Variants in CLC observed in about 807,000 individuals in gnomAD.
CLC encodes galectin-10.
Under a neutral mutation model 13.9 loss-of-function variants are expected in CLC, and 15 were observed. That is an observed-to-expected ratio of 1.08 (90% CI 0.72 to 1.66). CLC has a LOEUF of 1.66. CLC is among the 40% of genes most tolerant of loss of function. The pLI is 0.00. For missense variants in CLC, 161 were observed against 169.1 expected (o/e 0.95, Z 0.27); for synonymous variants, 68 against 59.9 (o/e 1.14, Z -0.63).
At chr19:39,733,017 ACCTACTCAT>A (rs1296177392) in intron 3 of CLC, among the ~76,000 whole-genome samples, 1 of 142,486 alleles carries the variant, frequency 7.0e-6, no homozygotes, top group Non-Finnish European at 1.5e-5. Context: ...AATTTTCGCA[ACCTACTCAT>A]CTGACAAAGG....
Position 39,736,774 on chromosome 19 carries a change from C to CA in CLC, c.15+1163dup, listed in dbSNP as rs71171518. 5.3e-3 allele frequency among the ~76,000 whole-genome samples: 736 copies of CA among 138,074 alleles called. 1 individual carries two copies. Among genetic ancestry groups the CA allele is most frequent in the East Asian group, 0.026 (107 of 4,122 alleles). 90.6% of individuals were successfully genotyped at this position (138,074 alleles called of 152,430 possible). A position where few individuals can be genotyped will look rare whatever the true frequency, so the allele number is the denominator to read the frequency against. The stretch of plus-strand genomic sequence containing the variant: ...TGGGAAACAGAGCGAGACTCTGTCT[C>CA]AAAAAAAAAAAAAAAAAATTACTGC... On this transcript the variant is annotated intron_variant, in intron 1 of 3. Coordinates refer to ENST00000221804, the MANE Select transcript of CLC (RefSeq NM_001828.6).
At position 39,735,820 on chromosome 19, in the gene CLC, A is replaced by T. The variant is rs149549097; in HGVS notation, c.16-747T>A. Among the ~76,000 whole-genome samples the T allele has an allele frequency of 1.7e-4, 26 of 152,300 alleles. 1 individual carries two copies. In the East Asian group the frequency reaches 3.3e-3, roughly 19 times the overall value. On this transcript the variant is annotated intron_variant, in intron 1 of 3. Coordinates refer to ENST00000221804, the MANE Select transcript of CLC (RefSeq NM_001828.6). The stretch of plus-strand genomic sequence containing the variant: ...CAAGGAGGGTCCTTGTGGAACACTG[A>T]CCTGCGATCATCTTCAACTCTGAAA...
In CLC at chr19:39,731,471, T is replaced by C. The variant is rs1165471420; in HGVS notation, c.338A>G (p.Asp113Gly). 1 of 1,613,474 alleles carries C rather than the reference T, an allele frequency of 6.2e-7. No individual in the cohort carries two copies. The highest frequency in any genetic ancestry group is 8.5e-7 in the Non-Finnish European group (1 of 1,179,550). Residue 113 changes from aspartate (D) to glycine (G), a missense_variant, in exon 4 of 4, where the codon GAC becomes GGC. Physicochemically the swap from Asp to Gly is moderately conservative, Grantham distance 94 (BLOSUM62 -1). Coordinates refer to ENST00000221804, the MANE Select transcript of CLC (RefSeq NM_001828.6). ...CACAGCCTCAGGCTTGATTCTATGGTCAAAGGTGTAAGAGGATTGGCCATT... is the reference window on the plus strand; with the variant it reads ...CACAGCCTCAGGCTTGATTCTATGGCCAAAGGTGTAAGAGGATTGGCCATT... ...MVNGQSSYTFDHRIKPEAVKM... is the reference protein window; with the variant it reads ...MVNGQSSYTFGHRIKPEAVKM...
intron 3 of CLC, 99 bp downstream of exon 3, chr19:39,734,184 C>T (rs1211702649): frequency 1.8e-5 from 25 of 1,419,182 alleles, no homozygotes; most frequent in Admixed American, 4.0e-5. Context: ...GATGAAAAGC[C>T]GGGGACAGAG....
rs111303542 is a variant in CLC, at chr19:39,737,909, T to C, written c.15+29A>G. The C allele has an allele frequency of 9.2e-5, 148 of 1,606,066 alleles. No individual in the cohort carries two copies. In the African/African-American group the frequency reaches 1.6e-3, roughly 17 times the overall value. ...CTTCCCTTTTCTGTGTGACCTGAGATTATTGAAGGCTGTGCCTTTTTAACT... is the reference window on the plus strand; with the variant it reads ...CTTCCCTTTTCTGTGTGACCTGAGACTATTGAAGGCTGTGCCTTTTTAACT... On this transcript the variant is annotated intron_variant, in intron 1 of 3. Coordinates refer to ENST00000221804, the MANE Select transcript of CLC (RefSeq NM_001828.6).
At chr19:39,737,738 A>G (rs1170576882) in intron 1 of CLC, among the ~76,000 whole-genome samples, 200 bp downstream of exon 1, 1 of 152,072 alleles carries the variant, frequency 6.6e-6, no homozygotes, top group Non-Finnish European at 1.5e-5. Flanking sequence ...GAGGGTCACA[A>G]TGTTCCAGCA....
intron 1 of CLC, among the ~76,000 whole-genome samples, chr19:39,735,908 T>C (rs1967301856): frequency 6.6e-6 from 1 of 152,172 alleles, no homozygotes; most frequent in Non-Finnish European, 1.5e-5. Flanking sequence ...AAACAACAAC[T>C]TTGGGTTAGT....
intron 1 of CLC, among the ~76,000 whole-genome samples, chr19:39,737,551 A>G (rs1330791489): frequency 6.6e-6 from 1 of 152,146 alleles, no homozygotes; most frequent in East Asian, 1.9e-4. Flanking sequence ...ATGCTCATGC[A>G]CTGGTCCGGC....
chr19:39,738,021 A>C lies in CLC; in HGVS notation c.-69T>G. The C allele has an allele frequency of 6.6e-7, 1 of 1,510,734 alleles. No individual in the cohort carries two copies. The highest frequency in any genetic ancestry group is 1.1e-5 in the South Asian group (1 of 87,384). The allele number at this position is 1,510,734 out of a possible 1,614,324, so 93.6% of individuals were successfully genotyped here. On this transcript the variant is annotated 5_prime_UTR_variant, in exon 1 of 4. Transcript: ENST00000221804. ...TCTGTGTGAATCTCTGAGCTGCAGA[A>C]TTTAAATGGCCCCTATCAGCCCTGC...
At chr19:39,733,565 C>G (rs1183080076) in intron 3 of CLC, among the ~76,000 whole-genome samples, 2 of 152,076 alleles carry the variant, frequency 1.3e-5, no homozygotes, top group African/African-American at 4.8e-5. Context: ...TCAAGTACAG[C>G]AAGTTGAGGA....
Position 39,731,383 on chromosome 19 carries a change from T to G in CLC, c.426A>C (p.Arg142Ser). 6.2e-7 allele frequency: 1 copy of G among 1,613,448 alleles called. No individual in the cohort carries two copies. The highest frequency in any genetic ancestry group is 8.5e-7 in the Non-Finnish European group (1 of 1,179,650). ...LTKFNVSYLK[R>S] ...TCCTTGGCAACATGAAGTCTGGTTATCTCTTTAAATAGCTGACATTAAATT... is the reference window on the plus strand; with the variant it reads ...TCCTTGGCAACATGAAGTCTGGTTAGCTCTTTAAATAGCTGACATTAAATT... The change falls in exon 4 of 4, where the codon AGA (arginine) becomes AGC (serine). Residue 142 changes from arginine to serine, a missense_variant. Coordinates refer to ENST00000221804, the MANE Select transcript of CLC (RefSeq NM_001828.6).
At chr19:39,734,151 C>T in intron 3 of CLC, 132 bp downstream of exon 3, 1 of 1,392,008 alleles carries the variant, frequency 7.2e-7, no homozygotes, top group Non-Finnish European at 9.5e-7. Context: ...GATGAAAAGC[C>T]TGGGATAAGG....
At chr19:39,734,083 A>C in intron 3 of CLC, 200 bp downstream of exon 3, 1 of 985,110 alleles carries the variant, frequency 1.0e-6, no homozygotes, top group Non-Finnish European at 1.2e-6. Flanking sequence ...GAAATGATAA[A>C]AGTAAAGGGA....
intron 2 of CLC, among the ~76,000 whole-genome samples, chr19:39,734,696 G>A (rs1300805620): frequency 6.6e-6 from 1 of 152,188 alleles, no homozygotes; most frequent in Admixed American, 6.5e-5. Context: ...GATGGAAACT[G>A]AGCCATAGTC....
In CLC at chr19:39,734,263, G is replaced by A. The variant is rs760849445; in HGVS notation, c.303+20C>T. On this transcript the variant is annotated intron_variant, in intron 3 of 3. Coordinates refer to ENST00000221804, the MANE Select transcript of CLC (RefSeq NM_001828.6). Reference sequence around the variant, plus strand: ...GAGATCCCATGGAAGCCGGGTGCGGGGAGCTCCTGGGGTGCTCACCTGGTA... The same window carrying A: ...GAGATCCCATGGAAGCCGGGTGCGGAGAGCTCCTGGGGTGCTCACCTGGTA... The A allele has an allele frequency of 1.2e-6, 2 of 1,609,582 alleles. No homozygotes were observed. Among genetic ancestry groups the A allele is most frequent in the Middle Eastern group, 1.7e-4 (1 of 6,044 alleles).
rs554677565 is a variant in CLC, at chr19:39,737,937, C to T, written c.15+1G>A. 1.2e-5 allele frequency: 20 copies of T among 1,612,652 alleles called. No homozygotes were observed. Among genetic ancestry groups the T allele is most frequent in the African/African-American group, 1.3e-5 (1 of 74,942 alleles). On this transcript the variant is annotated splice_donor_variant, in intron 1 of 3. Transcript: ENST00000221804. LOFTEE classifies it high-confidence loss of function. ...TTGAAGGCTGTGCCTTTTTAACTCACGGGTAGCAGGGACATTGTTGTCTCC... is the reference window on the plus strand; with the variant it reads ...TTGAAGGCTGTGCCTTTTTAACTCATGGGTAGCAGGGACATTGTTGTCTCC...
intron 3 of CLC, among the ~76,000 whole-genome samples, chr19:39,732,804 C>T (rs1967245417): frequency 1.3e-5 from 2 of 151,678 alleles, no homozygotes; most frequent in Admixed American, 6.6e-5. Context: ...AAACGTTAGA[C>T]CTAAAACCAT....
chr19:39,735,994 A>G lies in CLC; in HGVS notation c.16-921T>C, dbSNP rs935256126. The stretch of plus-strand genomic sequence containing the variant: ...GGATTTTCCATAAACTAAAGTGTTT[A>G]CTTGGCTAAAATCTGGTGAGTAAAG... On this transcript the variant is annotated intron_variant, in intron 1 of 3. Coordinates refer to ENST00000221804, the MANE Select transcript of CLC (RefSeq NM_001828.6). Among the ~76,000 whole-genome samples, 5 of 152,340 alleles carry G rather than the reference A, an allele frequency of 3.3e-5. No homozygotes were observed. In the South Asian group the frequency reaches 6.2e-4, roughly 19 times the overall value.
intron 3 of CLC, 23 bp from the exon 4 acceptor site, chr19:39,731,528 C>T: frequency 6.3e-7 from 1 of 1,586,988 alleles, no homozygotes. Context: ...AAAAATACAT[C>T]AGAAAGACAG....
Sources: gnomAD v4.1 joint callset for allele counts (sites outside exome capture counted in the v4.1 genomes callset) on GRCh38, gnomAD v4.1.1 for gene constraint, MANE v1.5 for transcripts, NCBI Gene and HGNC (gene_info 2026-07-23, HGNC 2026-07-21) for gene names.